Variants in SLC60A1 observed in about 807,000 individuals in gnomAD.
SLC60A1 encodes major facilitator superfamily domain containing 4.
the SLC60A1 span, chr1:205,600,255 A>G: frequency 2.6e-5 from 17 of 662,776 alleles, no homozygotes; most frequent in Non-Finnish European, 4.3e-5. Flanking sequence ...ACTGTTCGCC[A>G]GAACTAGGGG....
At chr1:205,602,680 A>AAAG in the SLC60A1 span, 14 of 152,290 alleles carry the variant, frequency 9.2e-5, no homozygotes, top group African/African-American at 3.4e-4. Flanking sequence ...TAAATACTCA[A>AAAG]AAGTATTAGA....
At chr1:205,591,778 CAG>C in the SLC60A1 span, among the ~76,000 whole-genome samples, 1 of 152,198 alleles carries the variant, frequency 6.6e-6, no homozygotes, top group Admixed American at 6.5e-5. Context: ...GCTGGCAGGG[CAG>C]AGAGAGCTGA....
At chr1:205,599,287 A>G in the SLC60A1 span, 1 of 1,611,542 alleles carries the variant, frequency 6.2e-7, no homozygotes, top group Non-Finnish European at 8.5e-7. Flanking sequence ...AAGAGGAGGA[A>G]AACAGAGCCG....
the SLC60A1 span, among the ~76,000 whole-genome samples, chr1:205,578,978 A>G: frequency 6.6e-6 from 1 of 152,166 alleles, no homozygotes; most frequent in African/African-American, 2.4e-5. Flanking sequence ...ACAGAGCCTT[A>G]GACACTCCAT....
chr1:205,579,706 G>A, the SLC60A1 span: 1 of 1,605,448 alleles, frequency 6.2e-7, no homozygotes, highest in South Asian at 1.1e-5. Flanking sequence ...AGGGGGAGGG[G>A]ATGCTTCCAG....
At chr1:205,599,106 CTCTCTG>C in the SLC60A1 span, 3 of 1,612,910 alleles carry the variant, frequency 1.9e-6, no homozygotes, top group Non-Finnish European at 1.7e-6. Flanking sequence ...AATTGTCTGT[CTCTCTG>C]TGTTTTCCCC....
the SLC60A1 span, among the ~76,000 whole-genome samples, chr1:205,570,532 G>A: frequency 6.6e-6 from 1 of 152,254 alleles, no homozygotes; most frequent in African/African-American, 2.4e-5. Flanking sequence ...GAGCACAGGT[G>A]TCAGTACAGA....
chr1:205,572,874 C>A, the SLC60A1 span, among the ~76,000 whole-genome samples: 1 of 152,200 alleles, frequency 6.6e-6, no homozygotes, highest in South Asian at 2.1e-4. Flanking sequence ...ACACACTAAA[C>A]CTGTACGTGG....
the SLC60A1 span, chr1:205,584,894 G>C: frequency 1.2e-6 from 2 of 1,614,084 alleles, no homozygotes; most frequent in Admixed American, 3.3e-5. Flanking sequence ...GACCTGTTCA[G>C]CTGCTGCCAA....
the SLC60A1 span, among the ~76,000 whole-genome samples, chr1:205,587,821 C>A: frequency 6.6e-6 from 1 of 152,122 alleles, no homozygotes; most frequent in African/African-American, 2.4e-5. Flanking sequence ...AGAGGAAGGG[C>A]ACAGACATGG....
chr1:205,601,304 C>T, the SLC60A1 span: 2 of 152,140 alleles, frequency 1.3e-5, no homozygotes, highest in African/African-American at 4.8e-5. Flanking sequence ...TGCACCTTGT[C>T]TCAACTCCAC....
At chr1:205,571,860 G>A in the SLC60A1 span, among the ~76,000 whole-genome samples, 1 of 152,366 alleles carries the variant, frequency 6.6e-6, no homozygotes, top group South Asian at 2.1e-4. Flanking sequence ...ACTTGTGAGT[G>A]GGGGATTGCT....
the SLC60A1 span, chr1:205,586,139 C>T: frequency 6.2e-7 from 1 of 1,613,802 alleles, no homozygotes; most frequent in Non-Finnish European, 8.5e-7. Context: ...CTTCATCACA[C>T]TGGGCCGGCT....
chr1:205,571,183 G>A, the SLC60A1 span, among the ~76,000 whole-genome samples: 42 of 152,316 alleles, frequency 2.8e-4, no homozygotes, highest in East Asian at 6.0e-3. Flanking sequence ...ACCACCTTGC[G>A]AAGTAGTACT....
At chr1:205,573,466 C>T in the SLC60A1 span, among the ~76,000 whole-genome samples, 5 of 151,898 alleles carry the variant, frequency 3.3e-5, no homozygotes, top group South Asian at 1.0e-3. Flanking sequence ...CGGAATATCA[C>T]TCAGCCATAA....
the SLC60A1 span, among the ~76,000 whole-genome samples, chr1:205,594,328 A>G: frequency 1.3e-5 from 2 of 152,164 alleles, no homozygotes; most frequent in African/African-American, 4.8e-5. Context: ...ACAACTCGAG[A>G]GTTTTAAGTG....
At chr1:205,579,636 T>G in the SLC60A1 span, 1 of 1,214,950 alleles carries the variant, frequency 8.2e-7, no homozygotes, top group Non-Finnish European at 1.2e-6. Flanking sequence ...GCTCTCTTCC[T>G]TTTCTACCAG....
chr1:205,592,094 C>T, the SLC60A1 span: 7 of 1,609,798 alleles, frequency 4.3e-6, no homozygotes, highest in South Asian at 5.5e-5. Context: ...ACCACCGATG[C>T]TCAGCTTTTC....
At chr1:205,571,290 T>C in the SLC60A1 span, among the ~76,000 whole-genome samples, 26,086 of 152,150 alleles carry the variant, frequency 0.17, 2,352 homozygotes, top group Admixed American at 0.2. Context: ...TAGACAGAAT[T>C]TGAACCCAGG....
Sources: gnomAD v4.1 joint callset for allele counts (sites outside exome capture counted in the v4.1 genomes callset) on GRCh38, gnomAD v4.1.1 for gene constraint, MANE v1.5 for transcripts, NCBI Gene and HGNC (gene_info 2026-07-23, HGNC 2026-07-21) for gene names.